The following PCDH9 variants were observed in gnomAD, a reference collection of about 807,000 sequenced individuals.
PCDH9 encodes protocadherin-9.
A neutral mutation model predicts 70.6 loss-of-function variants in PCDH9; 24 were observed. The observed-to-expected ratio is 0.34, with a 90% confidence interval of 0.25 to 0.48. The LOEUF (loss-of-function observed/expected upper bound fraction) is 0.48. PCDH9 is among the 20% of genes least tolerant of loss of function. The pLI, the probability that PCDH9 is intolerant of heterozygous loss-of-function variation, is 0.99. For synonymous variants in PCDH9, 562 were observed against 558.5 expected, an observed-to-expected ratio of 1.01 and a Z score of -0.09; for missense variants, 1,281 against 1,503.6, an observed-to-expected ratio of 0.85 and a Z score of 2.45.
chr13:66,644,698 C>A (rs1439354085), intron 3 of PCDH9, among the ~76,000 whole-genome samples: 2 of 151,326 alleles, frequency 1.3e-5, no homozygotes, highest in Non-Finnish European at 3.0e-5. Flanking sequence ...ACATATATTT[C>A]AAAAAAAAGT....
At chr13:66,596,017 A>T (rs182787852) in intron 4 of PCDH9, among the ~76,000 whole-genome samples, 12 of 151,822 alleles carry the variant, frequency 7.9e-5, no homozygotes, top group Admixed American at 2.0e-4. Context: ...ATTAAGAAAT[A>T]TTCATTTTTA....
intron 3 of PCDH9, among the ~76,000 whole-genome samples, chr13:66,856,924 C>G (rs1249753509): frequency 6.6e-6 from 1 of 152,006 alleles, no homozygotes; most frequent in Non-Finnish European, 1.5e-5. Flanking sequence ...GGGGCATACA[C>G]TATTGAACAT....
At chr13:66,550,269 C>A (rs997448151) in intron 4 of PCDH9, among the ~76,000 whole-genome samples, 1 of 151,694 alleles carries the variant, frequency 6.6e-6, no homozygotes, top group Non-Finnish European at 1.5e-5. Context: ...TTCATAAAAC[C>A]CTTATTATGA....
intron 4 of PCDH9, among the ~76,000 whole-genome samples, chr13:66,350,524 C>T (rs2138168829): frequency 6.6e-6 from 1 of 152,238 alleles, no homozygotes; most frequent in South Asian, 2.1e-4. Flanking sequence ...GTATTTGTTG[C>T]AGAGCTAGTC....
At chr13:67,045,120 G>C (rs565150076) in intron 2 of PCDH9, among the ~76,000 whole-genome samples, 199 of 152,188 alleles carry the variant, frequency 1.3e-3, no homozygotes, top group African/African-American at 4.6e-3. Flanking sequence ...CTCTCCAAGA[G>C]GCAGGCTCAG....
intron 2 of PCDH9, chr13:67,217,572 T>C (rs1264572034): frequency 2.6e-5 from 4 of 152,250 alleles, no homozygotes; most frequent in Non-Finnish European, 4.4e-5. Context: ...TTGAAATCCA[T>C]GTATGTCTAG....
chr13:67,044,645 G>A (rs1401629806), intron 2 of PCDH9, among the ~76,000 whole-genome samples: 2 of 152,156 alleles, frequency 1.3e-5, no homozygotes, highest in Non-Finnish European at 2.9e-5. Context: ...AATATCCTGG[G>A]ATCTTCCAAA....
intron 4 of PCDH9, among the ~76,000 whole-genome samples, chr13:66,603,920 C>A (rs2077191978): frequency 6.6e-6 from 1 of 151,796 alleles, no homozygotes; most frequent in Admixed American, 6.6e-5. Context: ...TAGGTGTGAT[C>A]TTTTCTTCTC....
intron 2 of PCDH9, among the ~76,000 whole-genome samples, chr13:67,098,811 G>A (rs1235860323): frequency 1.3e-5 from 2 of 151,976 alleles, no homozygotes; most frequent in South Asian, 4.2e-4. Context: ...ATGAAGAAAA[G>A]AAAATAAACC....
At chr13:66,658,662 C>G (rs564695282) in intron 3 of PCDH9, among the ~76,000 whole-genome samples, 30 of 152,208 alleles carry the variant, frequency 2.0e-4, no homozygotes, top group African/African-American at 6.5e-4. Flanking sequence ...AGGTTCAGGA[C>G]ATGCCACATA....
intron 3 of PCDH9, among the ~76,000 whole-genome samples, chr13:66,704,774 G>C (rs983167032): frequency 6.6e-6 from 1 of 152,080 alleles, no homozygotes; most frequent in Non-Finnish European, 1.5e-5. Context: ...CAATTCTCTA[G>C]ATGCTGATTT....
chr13:67,116,198 G>C (rs2086768933), intron 2 of PCDH9, among the ~76,000 whole-genome samples: 1 of 152,154 alleles, frequency 6.6e-6, no homozygotes, highest in South Asian at 2.1e-4. Flanking sequence ...AGCTGGATAT[G>C]TTAACATTGA....
At chr13:66,962,055 A>C (rs1469976798) in intron 2 of PCDH9, among the ~76,000 whole-genome samples, 6 of 152,110 alleles carry the variant, frequency 3.9e-5, no homozygotes, top group Non-Finnish European at 8.8e-5. Flanking sequence ...ATCAAGAAAA[A>C]CAAAAAAACA....
intron 3 of PCDH9, among the ~76,000 whole-genome samples, chr13:66,738,217 C>A (rs930183346): frequency 6.6e-6 from 1 of 151,558 alleles, no homozygotes; most frequent in African/African-American, 2.4e-5. Flanking sequence ...GGGAGGCACC[C>A]CCCAGCAGGG....
rs192608730 is a variant in PCDH9 at position 66,418,434 on chromosome 13, C to A, written c.3341-113406G>T. 2.9e-4 allele frequency among the ~76,000 whole-genome samples: 44 copies of A among 152,236 alleles called. No individual in the cohort carries two copies. In the East Asian group the frequency reaches 7.3e-3, roughly 25 times the overall value. ...TGTAGTATAGTTTGAAATCAGGTAG[C>A]ATGATGCCTCCAGCTTTATTCTTTT... On this transcript the variant is annotated intron_variant, in intron 4 of 4. Transcript: ENST00000377865.
At chr13:66,362,377 A>G (rs946112263) in intron 4 of PCDH9, among the ~76,000 whole-genome samples, 6 of 152,110 alleles carry the variant, frequency 3.9e-5, no homozygotes, top group South Asian at 4.1e-4. Flanking sequence ...GCATTAGCCA[A>G]TTTTCAGGCT....
At chr13:67,154,699 T>G (rs888767424) in intron 2 of PCDH9, among the ~76,000 whole-genome samples, 4 of 147,690 alleles carry the variant, frequency 2.7e-5, no homozygotes, top group African/African-American at 7.4e-5. Context: ...AATTTTGATC[T>G]GTAATCTTTT....
intron 3 of PCDH9, among the ~76,000 whole-genome samples, chr13:66,641,401 G>A (rs970851420): frequency 2.6e-5 from 4 of 152,200 alleles, no homozygotes; most frequent in African/African-American, 9.7e-5. Context: ...GGATTAATTT[G>A]TATGGAGAAA....
intron 3 of PCDH9, among the ~76,000 whole-genome samples, chr13:66,818,369 A>C (rs1483641756): frequency 6.6e-6 from 1 of 152,200 alleles, no homozygotes; most frequent in Admixed American, 6.5e-5. Flanking sequence ...CATTTTGATA[A>C]GGTTTTTCAG....
Sources: gnomAD v4.1 joint callset for allele counts (sites outside exome capture counted in the v4.1 genomes callset) on GRCh38, gnomAD v4.1.1 for gene constraint, MANE v1.5 for transcripts, NCBI Gene and HGNC (gene_info 2026-07-23, HGNC 2026-07-21) for gene names.